ZSCAN5A: variants seen among roughly 807,000 people sequenced by gnomAD.
ZSCAN5A encodes the protein zinc finger and SCAN domain containing 5A.
A neutral mutation model predicts 23.7 loss-of-function variants in ZSCAN5A; 12 were observed. That is an observed-to-expected ratio of 0.51 (90% confidence interval 0.32 to 0.82). The LOEUF is 0.82. ZSCAN5A is among the 40% of genes least tolerant of loss of function. The pLI is 0.03. For synonymous variants in ZSCAN5A, 257 were observed against 239.9 expected, an observed-to-expected ratio of 1.07 and a Z score of -0.66; for missense variants, 597 against 617.9, an observed-to-expected ratio of 0.97 and a Z score of 0.36.
At chr19:56,273,884 T>C (rs1013433907) in intron 2 of ZSCAN5A, among the ~76,000 whole-genome samples, 1 of 152,266 alleles carries the variant, frequency 6.6e-6, no homozygotes, top group Non-Finnish European at 1.5e-5. Context: ...TGTATGTGTG[T>C]TTCTGTGTGT....
intron 2 of ZSCAN5A, among the ~76,000 whole-genome samples, chr19:56,333,222 G>A (rs117677216): frequency 6.6e-6 from 1 of 151,826 alleles, no homozygotes; most frequent in Non-Finnish European, 1.5e-5. Context: ...AGATTAGGGA[G>A]ATTTTCTTAA....
intron 2 of ZSCAN5A, among the ~76,000 whole-genome samples, chr19:56,291,250 C>T (rs554843166): frequency 3.7e-4 from 57 of 152,268 alleles, no homozygotes; most frequent in Admixed American, 2.2e-3. Flanking sequence ...TCCTGACCCT[C>T]GGGGGAGAAA....
chr19:56,224,881 A>G lies in ZSCAN5A; in HGVS notation c.166T>C (p.Ser56Pro). Reference protein sequence around the residue: ...NFRMFSCPKESDPIQALRKLT... With the variant: ...NFRMFSCPKEPDPIQALRKLT... ...TTCCTCAGAGCCTGGATGGGGTCCGACTCCTTCGGGCAGCTGAACATCCTG... is the reference window on the plus strand; with the variant it reads ...TTCCTCAGAGCCTGGATGGGGTCCGGCTCCTTCGGGCAGCTGAACATCCTG... The change falls in exon 3 of 6, where the codon TCG (serine) becomes CCG (proline). Residue 56 changes from serine to proline, a missense_variant. Physicochemically the swap from Ser to Pro is moderately conservative, Grantham distance 74. This residue lies in a region of ZSCAN5A where 72 missense variants were observed against 76.8 expected (regional missense o/e 0.94). Coordinates refer to ENST00000683990, the MANE Select transcript of ZSCAN5A (RefSeq NM_001322064.3). The G allele has an allele frequency of 6.2e-7, 1 of 1,613,556 alleles. No homozygotes were observed. Among genetic ancestry groups the G allele is most frequent in the Non-Finnish European group, 8.5e-7 (1 of 1,179,916 alleles).
rs1009461740 is a variant in ZSCAN5A at position 56,335,164 on chromosome 19, T to C, written c.-357-18896A>G. Among the ~76,000 whole-genome samples, 2 of 151,144 alleles carry C rather than the reference T, an allele frequency of 1.3e-5. 1 individual carries two copies. The highest frequency in any genetic ancestry group is 1.3e-4 in the Admixed American group (2 of 15,166). ...GTTAAAATGCAATCACAAGTATTAA[T>C]AGCAGAATAGACCAAGCAGAGGAAA... On this transcript the variant is annotated intron_variant, in intron 2 of 6. Coordinates refer to the ZSCAN5A transcript ENST00000587340.
chr19:56,293,010 C>T (rs1383960522), intron 2 of ZSCAN5A, among the ~76,000 whole-genome samples: 3 of 152,172 alleles, frequency 2.0e-5, no homozygotes, highest in African/African-American at 7.2e-5. Context: ...TGAGGACACA[C>T]TCTTCTTTTG....
At chr19:56,267,700 C>T (rs757233383) in intron 2 of ZSCAN5A, among the ~76,000 whole-genome samples, 1 of 152,160 alleles carries the variant, frequency 6.6e-6, no homozygotes, top group Non-Finnish European at 1.5e-5. Flanking sequence ...CTGCCAATTA[C>T]TAGTGGTGTG....
chr19:56,226,758 T>C (rs2033982945), intron 2 of ZSCAN5A, among the ~76,000 whole-genome samples: 1 of 151,876 alleles, frequency 6.6e-6, no homozygotes, highest in Non-Finnish European at 1.5e-5. Context: ...TCCAAAACAG[T>C]GAAACTCTGG....
At chr19:56,269,404 G>A (rs1354783458) in intron 2 of ZSCAN5A, among the ~76,000 whole-genome samples, 1 of 152,188 alleles carries the variant, frequency 6.6e-6, no homozygotes, top group African/African-American at 2.4e-5. Context: ...GCAAGTTTAT[G>A]CATCTGTGAG....
exon 2 of ZSCAN5A, chr19:56,363,240 T>G (rs2041745467): frequency 6.6e-6 from 1 of 152,378 alleles, no homozygotes; most frequent in South Asian, 2.1e-4. Flanking sequence ...CTCACCTCTA[T>G]TACTCAGATT....
chr19:56,299,800 T>C (rs1162836318), intron 2 of ZSCAN5A: 3 of 152,206 alleles, frequency 2.0e-5, no homozygotes, highest in Admixed American at 6.5e-5. Flanking sequence ...TTAAAAAGTA[T>C]TTTTGACCAG....
chr19:56,289,438 G>A (rs1379011526), intron 2 of ZSCAN5A, among the ~76,000 whole-genome samples: 4 of 152,098 alleles, frequency 2.6e-5, no homozygotes, highest in African/African-American at 4.8e-5. Flanking sequence ...CAGTCTCTTC[G>A]GAAGACAGAC....
chr19:56,319,590 C>G (rs150396895), upstream of ZSCAN5A, among the ~76,000 whole-genome samples: 214 of 150,424 alleles, frequency 1.4e-3, no homozygotes, highest in Middle Eastern at 7.1e-3. Context: ...CCAAACGAGT[C>G]TCTGGGATTG....
chr19:56,244,637 T>A (rs182008929), intron 2 of ZSCAN5A, among the ~76,000 whole-genome samples: 2,133 of 144,044 alleles, frequency 0.015, 54 homozygotes, highest in African/African-American at 0.052. Flanking sequence ...CATTCTCTAA[T>A]GCTCAGGACA....
chr19:56,335,746 T>C (rs1021812555), intron 2 of ZSCAN5A, among the ~76,000 whole-genome samples: 10 of 152,242 alleles, frequency 6.6e-5, no homozygotes, highest in African/African-American at 1.7e-4. Context: ...CCATGTTTAG[T>C]GCTTCCTTCA....
intron 2 of ZSCAN5A, among the ~76,000 whole-genome samples, chr19:56,312,733 C>T (rs1201634201): frequency 6.6e-6 from 1 of 152,182 alleles, no homozygotes; most frequent in African/African-American, 2.4e-5. Flanking sequence ...TGCAACTTTT[C>T]TGTAAATATA....
chr19:56,228,378 C>A (rs28369316), intron 2 of ZSCAN5A: 3 of 974,660 alleles, frequency 3.1e-6, no homozygotes, highest in East Asian at 2.3e-4. Context: ...CCTGCGCCGC[C>A]CCGTGATTGG....
At chr19:56,293,090 A>G (rs1264165366) in intron 2 of ZSCAN5A, among the ~76,000 whole-genome samples, 1 of 152,156 alleles carries the variant, frequency 6.6e-6, no homozygotes, top group Non-Finnish European at 1.5e-5. Context: ...ACCCACCTCC[A>G]AACCCCACTT....
intron 2 of ZSCAN5A, chr19:56,245,472 C>T (rs749399560): frequency 1.8e-6 from 1 of 564,994 alleles, no homozygotes; most frequent in Non-Finnish European, 3.2e-6. Flanking sequence ...GGAGAAGGAA[C>T]AGGAGAAAAC....
chr19:56,246,265 G>T, intron 2 of ZSCAN5A: 1 of 277,546 alleles, frequency 3.6e-6, no homozygotes, highest in Non-Finnish European at 6.7e-6. Context: ...TGATGTCCAT[G>T]ACCCACCAGT....
Sources: allele counts gnomAD v4.1 joint callset (sites outside exome capture counted in the v4.1 genomes callset), GRCh38; gene constraint gnomAD v4.1.1; regional missense constraint gnomAD v4.1.1; transcripts MANE v1.5; gene names NCBI Gene and HGNC (gene_info 2026-07-23, HGNC 2026-07-21).